The following EXOC4 variants were observed in gnomAD, a reference collection of about 807,000 sequenced individuals.
The protein encoded by EXOC4 is SEC8-like 1.
Under a neutral mutation model 107.2 loss-of-function variants are expected in EXOC4, and 71 were observed. The ratio of observed to expected loss-of-function variants is 0.66; its 90% CI spans 0.55 to 0.81. EXOC4 has a LOEUF of 0.81. Among genes scored for constraint, EXOC4 ranks in the 30% least tolerant of loss-of-function variants. The pLI is 0.00. For synonymous variants in EXOC4, 456 were observed against 441.2 expected (o/e 1.03, Z -0.42); for missense variants, 1,108 against 1,189.6 (o/e 0.93, Z 1.01).
chr7:133,484,606 A>G (rs574111747), intron 9 of EXOC4, among the ~76,000 whole-genome samples: 2 of 152,312 alleles, frequency 1.3e-5, no homozygotes, highest in South Asian at 2.1e-4. Flanking sequence ...TCACAGGTTT[A>G]TCAATGACAT....
rs549689543 is a variant in EXOC4, at chr7:133,720,146, C to T, written c.1514+90005C>T. 2.0e-5 allele frequency among the ~76,000 whole-genome samples: 3 copies of T among 152,250 alleles called. No homozygotes were observed. In the East Asian group the frequency reaches 5.8e-4, roughly 29 times the overall value. On this transcript the variant is annotated intron_variant, in intron 10 of 17. Coordinates refer to ENST00000253861, the MANE Select transcript of EXOC4 (RefSeq NM_021807.4). The stretch of plus-strand genomic sequence containing the variant: ...ATTAAGTGGGTAAGTGAATCTACCC[C>T]TGAAATAATGCTAAGCGTGGGGTTC...
Position 133,789,040 on chromosome 7 carries a change from C to T in EXOC4, c.1515-28285C>T, listed in dbSNP as rs558008890. On this transcript the variant is annotated intron_variant, in intron 10 of 17. Transcript: ENST00000253861. ...TCCATTATTTTGCAATGTCTCCTAT[C>T]GGACACTTTTTACTAATTTTCTTGC... Among the ~76,000 whole-genome samples, 62 of 152,274 alleles carry T rather than the reference C, an allele frequency of 4.1e-4. No homozygotes were observed. The South Asian group carries it at 0.011, about 28-fold the overall frequency.
At chr7:133,281,891 T>A (rs538108393) in intron 2 of EXOC4, among the ~76,000 whole-genome samples, 4 of 152,192 alleles carry the variant, frequency 2.6e-5, no homozygotes, top group Admixed American at 1.3e-4. Context: ...TTAGTAGAGA[T>A]GGGGTTTCAC....
At chr7:133,726,670 TC>T (rs1266855469) in intron 10 of EXOC4, among the ~76,000 whole-genome samples, 1 of 152,256 alleles carries the variant, frequency 6.6e-6, no homozygotes, top group Non-Finnish European at 1.5e-5. Flanking sequence ...TGAAATCTTA[TC>T]CCTCTACTAG....
At chr7:133,784,224 A>T (rs572612332) in intron 10 of EXOC4, among the ~76,000 whole-genome samples, 1 of 152,290 alleles carries the variant, frequency 6.6e-6, no homozygotes, top group Admixed American at 6.5e-5. Context: ...AATGCTTGTA[A>T]TAGTGCATAA....
In EXOC4 at chr7:134,007,329, A is replaced by G. The variant is rs77850574; in HGVS notation, c.2528-347A>G. On this transcript the variant is annotated intron_variant, in intron 16 of 17. Transcript: ENST00000253861. Reference sequence around the variant, plus strand: ...GGTCTTCTCTGCTTCCCAATTGTGTATAAAGAAAAGCGGGATTTCCTGTGT... The same window carrying G: ...GGTCTTCTCTGCTTCCCAATTGTGTGTAAAGAAAAGCGGGATTTCCTGTGT... 9.2e-3 allele frequency among the ~76,000 whole-genome samples: 1,397 copies of G among 152,268 alleles called. 17 individuals carry two copies. The highest frequency in any genetic ancestry group is 0.032 in the African/African-American group (1,314 of 41,540).
At position 134,064,658 on chromosome 7, in the gene EXOC4, T is replaced by C. The variant is rs933531181; in HGVS notation, c.*130T>C. On this transcript the variant is annotated 3_prime_UTR_variant, in exon 18 of 18. Transcript: ENST00000253861. ...CTTTAGTGGAGAGGAGGTGTAAGGA[T>C]TCTTTCTCTCTGGTTTTGGCTTTTC... 1 of 609,536 alleles carries C rather than the reference T, an allele frequency of 1.6e-6. No homozygotes were observed. Among genetic ancestry groups the C allele is most frequent in the Admixed American group, 3.4e-5 (1 of 29,342 alleles). The allele number at this position is 609,536 out of a possible 1,614,324, so 37.8% of individuals were successfully genotyped here. A position where few individuals can be genotyped will look rare whatever the true frequency, so the allele number is the denominator to read the frequency against.
chr7:133,279,209 C>T (rs946263651), intron 2 of EXOC4, among the ~76,000 whole-genome samples: 2 of 152,150 alleles, frequency 1.3e-5, no homozygotes, highest in Non-Finnish European at 2.9e-5. Context: ...TTTCTTAATC[C>T]AGACTATCAT....
intron 14 of EXOC4, among the ~76,000 whole-genome samples, chr7:133,971,269 T>C (rs1243681101): frequency 7.4e-6 from 1 of 134,350 alleles, no homozygotes; most frequent in Non-Finnish European, 1.6e-5. Context: ...GAGTTGTTGG[T>C]TTTTTAAAAA....
At chr7:134,001,312 G>A (rs1794525467) in intron 15 of EXOC4, among the ~76,000 whole-genome samples, 1 of 152,094 alleles carries the variant, frequency 6.6e-6, no homozygotes, top group South Asian at 2.1e-4. Flanking sequence ...GATCCTAAGT[G>A]TGCACTCTCT....
intron 10 of EXOC4, among the ~76,000 whole-genome samples, chr7:133,745,238 T>C (rs1404485846): frequency 6.6e-6 from 1 of 152,144 alleles, no homozygotes; most frequent in Non-Finnish European, 1.5e-5. Context: ...CAAATAAGAA[T>C]GATGGGATAT....
chr7:133,287,904 A>G (rs978884371), intron 2 of EXOC4, among the ~76,000 whole-genome samples: 6 of 152,230 alleles, frequency 3.9e-5, no homozygotes, highest in Non-Finnish European at 8.8e-5. Context: ...TACCAAAAAT[A>G]CGGTAGACTC....
At position 133,974,473 on chromosome 7, in the gene EXOC4, G is replaced by A. The variant is rs542044412; in HGVS notation, c.2207-23019G>A. ...TATACAGTTTTCCTTAGGATATACTGTTGATTCATAGAAATCTCTTCCAGT... is the reference window on the plus strand; with the variant it reads ...TATACAGTTTTCCTTAGGATATACTATTGATTCATAGAAATCTCTTCCAGT... On this transcript the variant is annotated intron_variant, in intron 14 of 17. Coordinates refer to ENST00000253861, the MANE Select transcript of EXOC4 (RefSeq NM_021807.4). Among the ~76,000 whole-genome samples the A allele has an allele frequency of 3.5e-4, 53 of 152,246 alleles. 1 individual carries two copies. The South Asian group carries it at 0.011, about 31-fold the overall frequency.
intron 5 of EXOC4, among the ~76,000 whole-genome samples, chr7:133,329,307 T>A (rs974439556): frequency 6.6e-6 from 1 of 152,214 alleles, no homozygotes; most frequent in South Asian, 2.1e-4. Context: ...GTTCTTCTAG[T>A]TAGCCATTTG....
At chr7:133,908,850 T>G (rs1197001321) in intron 12 of EXOC4, among the ~76,000 whole-genome samples, 2 of 152,170 alleles carry the variant, frequency 1.3e-5, no homozygotes, top group Admixed American at 6.5e-5. Context: ...ATTTTTTTAT[T>G]ATCATACTTT....
intron 4 of EXOC4, 58 bp downstream of exon 4, chr7:133,306,119 T>A: frequency 2.2e-6 from 3 of 1,379,050 alleles, no homozygotes; most frequent in Non-Finnish European, 2.9e-6. Context: ...GAAGGAATAT[T>A]TTTTGTTTCC....
intron 10 of EXOC4, among the ~76,000 whole-genome samples, chr7:133,794,833 G>A (rs1232747940): frequency 6.6e-6 from 1 of 151,328 alleles, no homozygotes; most frequent in East Asian, 1.9e-4. Context: ...GGGTACATGT[G>A]CACAAAGTGC....
intron 2 of EXOC4, 120 bp downstream of exon 2, chr7:133,275,291 T>C: frequency 2.5e-6 from 2 of 788,712 alleles, no homozygotes; most frequent in Non-Finnish European, 3.7e-6. Flanking sequence ...AATGCCACTT[T>C]TCAGGAGTTC....
intron 17 of EXOC4, among the ~76,000 whole-genome samples, chr7:134,046,353 C>T (rs1795650471): frequency 6.6e-6 from 1 of 151,820 alleles, no homozygotes; most frequent in Admixed American, 6.6e-5. Context: ...GTGGGTAGTC[C>T]CAGCTACCTG....
Sources: gnomAD v4.1 joint callset for allele counts (sites outside exome capture counted in the v4.1 genomes callset) on GRCh38, gnomAD v4.1.1 for gene constraint, MANE v1.5 for transcripts, NCBI Gene and HGNC (gene_info 2026-07-23, HGNC 2026-07-21) for gene names.